STX3: variants seen among roughly 807,000 people sequenced by gnomAD.
STX3 encodes syntaxin-3.
STX3 carries 19 observed loss-of-function variants against 40.2 expected under a neutral mutation model. That is an observed-to-expected ratio of 0.47 (90% CI 0.33 to 0.69). The LOEUF is 0.69. Among genes scored for constraint, STX3 ranks in the 30% least tolerant of loss-of-function variants. The pLI, the probability that STX3 is intolerant of heterozygous loss-of-function variation, is 0.02. For missense variants in STX3, 364 were observed against 366.7 expected, an observed-to-expected ratio of 0.99 and a Z score of 0.06; for synonymous variants, 122 against 132.2, an observed-to-expected ratio of 0.92 and a Z score of 0.53.
intron 1 of STX3, among the ~76,000 whole-genome samples, chr11:59,763,227 G>T (rs908646518): frequency 5.3e-5 from 8 of 152,166 alleles, no homozygotes; most frequent in Non-Finnish European, 1.0e-4. Context: ...ATGAAGGAGT[G>T]AACATTGGAT....
At chr11:59,790,686 A>C in intron 5 of STX3, 100 bp downstream of exon 5, 1 of 881,866 alleles carries the variant, frequency 1.1e-6, no homozygotes, top group Non-Finnish European at 1.8e-6. Flanking sequence ...CCTTATTTTG[A>C]AACTCAATTT....
In STX3 at chr11:59,788,854, C is replaced by A; in HGVS notation, c.215-19C>A. ...GTCCTCTCCTTTCTAACGGATTCTG[C>A]CTGCCTTTATTTACCCAGAAACCAA... On this transcript the variant is annotated intron_variant, in intron 3 of 10. Coordinates refer to ENST00000337979, the MANE Select transcript of STX3 (RefSeq NM_004177.5). 1 of 1,607,822 alleles carries A rather than the reference C, an allele frequency of 6.2e-7. No individual in the cohort carries two copies. Among genetic ancestry groups the A allele is most frequent in the Non-Finnish European group, 8.5e-7 (1 of 1,176,298 alleles).
chr11:59,802,799 T>C lies in STX3; in HGVS notation c.*1975T>C. Reference sequence around the variant, plus strand: ...GGTTTTAGAATGCAGTTCACACCTTTTTAAGCCATGTGCTGGATCAGATGG... The same window carrying C: ...GGTTTTAGAATGCAGTTCACACCTTCTTAAGCCATGTGCTGGATCAGATGG... On this transcript the variant is annotated 3_prime_UTR_variant, in exon 11 of 11. Coordinates refer to ENST00000337979, the MANE Select transcript of STX3 (RefSeq NM_004177.5). 2 of 987,458 alleles carry C rather than the reference T, an allele frequency of 2.0e-6. No homozygotes were observed. Among genetic ancestry groups the C allele is most frequent in the Non-Finnish European group, 2.4e-6 (2 of 831,330 alleles). 61.2% of individuals were successfully genotyped at this position (987,458 alleles called of 1,614,324 possible).
chr11:59,760,188 T>C (rs1862957104), intron 1 of STX3, among the ~76,000 whole-genome samples: 1 of 152,060 alleles, frequency 6.6e-6, no homozygotes, highest in Non-Finnish European at 1.5e-5. Flanking sequence ...TTCCTGTGAG[T>C]GTGGGGGAAG....
intron 6 of STX3, 32 bp from the exon 7 acceptor site, chr11:59,793,067 A>G (rs1359512859): frequency 6.2e-7 from 1 of 1,607,406 alleles, no homozygotes; most frequent in Non-Finnish European, 8.5e-7. Flanking sequence ...CCGTGATCTT[A>G]TATTTGACGC....
At chr11:59,762,496 G>A (rs1206589530) in intron 1 of STX3, among the ~76,000 whole-genome samples, 1 of 152,258 alleles carries the variant, frequency 6.6e-6, no homozygotes, top group African/African-American at 2.4e-5. Context: ...CACATGTTGA[G>A]TGTTTAATGA....
intron 1 of STX3, among the ~76,000 whole-genome samples, chr11:59,770,002 G>A (rs373586708): frequency 1.3e-5 from 2 of 151,164 alleles, no homozygotes; most frequent in Admixed American, 1.3e-4. Flanking sequence ...ATGAGTGTGT[G>A]TGGGTGTATG....
chr11:59,769,176 T>C (rs1291819715), intron 1 of STX3, among the ~76,000 whole-genome samples: 1 of 152,138 alleles, frequency 6.6e-6, no homozygotes, highest in Non-Finnish European at 1.5e-5. Flanking sequence ...GTGAGTAGCA[T>C]GTGATGGACC....
rs1475660687 is a variant in STX3, at chr11:59,773,990, A to C, written c.114+696A>C. ...GTCTCACACACACAAAAAAAAAAAA[A>C]AAAAAAAAAATTATAGTCCCTCTGA... On this transcript the variant is annotated intron_variant, in intron 2 of 10. Transcript: ENST00000337979. 3.4e-3 allele frequency among the ~76,000 whole-genome samples: 511 copies of C among 152,000 alleles called. 3 individuals are homozygous for C. Among genetic ancestry groups the C allele is most frequent in the African/African-American group, 0.011 (471 of 41,470 alleles).
chr11:59,755,402 G>GGGCGGAGGGGGCTGCGC lies in STX3; in HGVS notation c.-195_-179dup, dbSNP rs1349844683. 5 of 416,038 alleles carry GGGCGGAGGGGGCTGCGC rather than the reference G, an allele frequency of 1.2e-5. No individual in the cohort carries two copies. The highest frequency in any genetic ancestry group is 9.6e-5 in the South Asian group (1 of 10,392). The allele number at this position is 416,038 out of a possible 1,614,324, so 25.8% of individuals were successfully genotyped here. ...GATTTGGAGCGCGAGGCGCCGGTGGGGGCGGAGGGGGCTGCGCGGCGGAGG... is the reference window on the plus strand; with the variant it reads ...GATTTGGAGCGCGAGGCGCCGGTGGGGGCGGAGGGGGCTGCGCGGCGGAGGGGGCTGCGCGGCGGAGG... On this transcript the variant is annotated 5_prime_UTR_variant, in exon 1 of 11. Transcript: ENST00000337979.
At chr11:59,797,920 A>C (rs76095768) in intron 10 of STX3, among the ~76,000 whole-genome samples, 6,925 of 152,322 alleles carry the variant, frequency 0.045, 207 homozygotes, top group African/African-American at 0.057. Flanking sequence ...GTACCAGACA[A>C]TGTACTAAAC....
chr11:59,796,871 G>A (rs1235427259), intron 9 of STX3, among the ~76,000 whole-genome samples: 2 of 152,178 alleles, frequency 1.3e-5, no homozygotes, highest in African/African-American at 4.8e-5. Flanking sequence ...AGAACTTTGG[G>A]AGGCCGAGGT....
At position 59,801,753 on chromosome 11, in the gene STX3, G is replaced by A. The variant is rs1865895728; in HGVS notation, c.*929G>A. ...TTCCAGATGTATTCTAATTGTGTAT[G>A]AAATGTATGTACACATAAGTGTGTG... On this transcript the variant is annotated 3_prime_UTR_variant, in exon 11 of 11. Transcript: ENST00000337979. 2.0e-6 allele frequency: 2 copies of A among 985,524 alleles called. No individual in the cohort carries two copies. The highest frequency in any genetic ancestry group is 9.4e-5 in the South Asian group (2 of 21,280). The allele number at this position is 985,524 out of a possible 1,614,324, so 61.0% of individuals were successfully genotyped here. A position where few individuals can be genotyped will look rare whatever the true frequency, so the allele number is the denominator to read the frequency against.
Position 59,800,956 on chromosome 11 carries a change from C to A in STX3, c.*132C>A. The A allele has an allele frequency of 6.5e-7, 1 of 1,535,866 alleles. No individual in the cohort carries two copies. The highest frequency in any genetic ancestry group is 1.2e-5 in the South Asian group (1 of 84,020). On this transcript the variant is annotated 3_prime_UTR_variant, in exon 11 of 11. Transcript: ENST00000337979. The stretch of plus-strand genomic sequence containing the variant: ...GCGAGTGCGACCCGTTCCTTTGTTT[C>A]CTTGCAACCACCCTTGGACCTGACT...
chr11:59,786,406 A>ATTT (rs1362889318), intron 2 of STX3, among the ~76,000 whole-genome samples: 3,899 of 126,928 alleles, frequency 0.031, 118 homozygotes, highest in Admixed American at 0.067. Flanking sequence ...CACCAGGCTA[A>ATTT]TTTTTTTTTT....
At chr11:59,782,509 CTAAAG>C (rs1864458022) in intron 2 of STX3, among the ~76,000 whole-genome samples, 1 of 152,128 alleles carries the variant, frequency 6.6e-6, no homozygotes, top group South Asian at 2.1e-4. Context: ...CACAAAAACT[CTAAAG>C]TGGGAGTTGT....
chr11:59,785,907 T>C (rs1346401516), intron 2 of STX3, among the ~76,000 whole-genome samples: 1 of 152,216 alleles, frequency 6.6e-6, no homozygotes, highest in East Asian at 1.9e-4. Context: ...AGGCTTCCAC[T>C]GCAGCAGGGC....
At chr11:59,788,729 A>G in intron 3 of STX3, 144 bp from the exon 4 acceptor site, 2 of 577,628 alleles carry the variant, frequency 3.5e-6, no homozygotes, top group South Asian at 2.2e-5. Flanking sequence ...CTAATGACAG[A>G]TGCTGGGGAG....
rs1254917146 is a variant in STX3 at position 59,795,452 on chromosome 11, A to C, written c.756A>C (p.Lys252Asn). 4 of 1,613,364 alleles carry C rather than the reference A, an allele frequency of 2.5e-6. No individual in the cohort carries two copies. Among genetic ancestry groups the C allele is most frequent in the South Asian group, 1.1e-5 (1 of 90,754 alleles). The change falls in exon 9 of 11, where the codon AAA becomes AAC. Residue 252 changes from lysine to asparagine, a missense_variant. Coordinates refer to ENST00000337979, the MANE Select transcript of STX3 (RefSeq NM_004177.5). ...AGAAGGCACGAGATGAAACGAAAAA[A>C]GCTGTGAAATACCAGAGTCAGGCCC... Reference protein sequence around the residue: ...HVEKARDETKKAVKYQSQARK... With the variant: ...HVEKARDETKNAVKYQSQARK...
Sources: gnomAD v4.1 joint callset for allele counts (sites outside exome capture counted in the v4.1 genomes callset) on GRCh38, gnomAD v4.1.1 for gene constraint, MANE v1.5 for transcripts, NCBI Gene and HGNC (gene_info 2026-07-23, HGNC 2026-07-21) for gene names.